The following EFCAB11 variants were observed in gnomAD, a reference collection of about 807,000 sequenced individuals.
The protein encoded by EFCAB11 is EF-hand calcium-binding domain-containing protein 11.
EFCAB11 carries 14 observed loss-of-function variants against 23.0 expected under a neutral mutation model. That is an observed-to-expected ratio of 0.61 (90% confidence interval 0.40 to 0.95). EFCAB11 has a LOEUF of 0.95. EFCAB11 is among the 40% of genes least tolerant of loss of function. The probability of loss-of-function intolerance (pLI) is 0.00; values close to 1 mark genes in which losing one functional copy is unlikely to be tolerated. For synonymous variants in EFCAB11, 65 were observed against 66.6 expected, an observed-to-expected ratio of 0.98 and a Z score of 0.11; for missense variants, 198 against 195.8, an observed-to-expected ratio of 1.01 and a Z score of -0.07.
chr14:89,928,188 G>T (rs959590576), intron 5 of EFCAB11, among the ~76,000 whole-genome samples: 4 of 151,938 alleles, frequency 2.6e-5, no homozygotes, highest in Non-Finnish European at 5.9e-5. Context: ...AAGATTTGTG[G>T]GCATATACTC....
At chr14:89,847,159 C>G (rs1887454646) in intron 5 of EFCAB11, among the ~76,000 whole-genome samples, 1 of 152,206 alleles carries the variant, frequency 6.6e-6, no homozygotes, top group Admixed American at 6.5e-5. Context: ...ATTACCAATC[C>G]TTTTCATATT....
At chr14:89,849,964 T>G (rs1887552852) in intron 5 of EFCAB11, among the ~76,000 whole-genome samples, 1 of 152,182 alleles carries the variant, frequency 6.6e-6, no homozygotes, top group Non-Finnish European at 1.5e-5. Context: ...CCATTTCTCT[T>G]GTTCTCAGGT....
At chr14:89,818,934 T>C (rs1488921567) in intron 5 of EFCAB11, among the ~76,000 whole-genome samples, 1 of 152,162 alleles carries the variant, frequency 6.6e-6, no homozygotes, top group Non-Finnish European at 1.5e-5. Flanking sequence ...TGAAAACAGG[T>C]ACAGCCACTT....
intron 5 of EFCAB11, among the ~76,000 whole-genome samples, chr14:89,814,788 C>T (rs1886276069): frequency 6.6e-6 from 1 of 152,080 alleles, no homozygotes; most frequent in Non-Finnish European, 1.5e-5. Flanking sequence ...TGCTTTCCTA[C>T]CTAGCATAGC....
intron 5 of EFCAB11, among the ~76,000 whole-genome samples, chr14:89,893,175 C>A (rs1889035769): frequency 6.6e-6 from 1 of 152,168 alleles, no homozygotes; most frequent in South Asian, 2.1e-4. Context: ...CACTGAGAAG[C>A]CAGCGTCAGG....
At chr14:89,822,079 G>GT (rs568855153) in intron 5 of EFCAB11, among the ~76,000 whole-genome samples, 1 of 151,770 alleles carries the variant, frequency 6.6e-6, no homozygotes, top group Non-Finnish European at 1.5e-5. Flanking sequence ...ATAACTCGAG[G>GT]TTTTTTTTAT....
At chr14:89,944,007 GAAGA>G (rs1316163718) in intron 3 of EFCAB11, among the ~76,000 whole-genome samples, 1 of 152,146 alleles carries the variant, frequency 6.6e-6, no homozygotes, top group Non-Finnish European at 1.5e-5. Flanking sequence ...AGAACATACA[GAAGA>G]AAGAAAGTCT....
intron 5 of EFCAB11, among the ~76,000 whole-genome samples, chr14:89,911,839 C>T (rs1224314438): frequency 6.6e-6 from 1 of 152,188 alleles, no homozygotes; most frequent in Non-Finnish European, 1.5e-5. Flanking sequence ...ACCACTGCCA[C>T]GGCAGCAGTC....
intron 3 of EFCAB11, among the ~76,000 whole-genome samples, chr14:89,941,185 T>C (rs1890778991): frequency 6.6e-6 from 1 of 152,232 alleles, no homozygotes; most frequent in Admixed American, 6.5e-5. Context: ...AAAATTGTTT[T>C]GTTGCATGGA....
At chr14:89,916,960 T>C (rs1342833406) in intron 5 of EFCAB11, among the ~76,000 whole-genome samples, 1 of 152,184 alleles carries the variant, frequency 6.6e-6, no homozygotes, top group Non-Finnish European at 1.5e-5. Context: ...ATTGTCTATA[T>C]TTAAGGTATA....
chr14:89,857,876 G>C (rs1019187338), intron 5 of EFCAB11, among the ~76,000 whole-genome samples: 1 of 152,028 alleles, frequency 6.6e-6, no homozygotes, highest in Non-Finnish European at 1.5e-5. Context: ...TTATACAAGA[G>C]AATAAAAAGA....
At chr14:89,802,369 G>A (rs189877253) in intron 5 of EFCAB11, among the ~76,000 whole-genome samples, 9 of 152,100 alleles carry the variant, frequency 5.9e-5, no homozygotes, top group Admixed American at 3.9e-4. Context: ...CAATGTTTTC[G>A]TTTTTTAATT....
intron 5 of EFCAB11, among the ~76,000 whole-genome samples, chr14:89,909,537 C>T (rs765668759): frequency 3.9e-5 from 6 of 152,088 alleles, no homozygotes; most frequent in African/African-American, 1.4e-4. Context: ...GCTGAGATCG[C>T]GCCATTGCAC....
intron 5 of EFCAB11, among the ~76,000 whole-genome samples, chr14:89,894,868 T>C (rs752128854): frequency 2.6e-5 from 4 of 152,270 alleles, no homozygotes; most frequent in Middle Eastern, 6.8e-3. Flanking sequence ...AAGCTACTAT[T>C]TACAATAGCA....
At chr14:89,798,677 T>C (rs1885657564) in intron 5 of EFCAB11, among the ~76,000 whole-genome samples, 1 of 152,236 alleles carries the variant, frequency 6.6e-6, no homozygotes, top group Admixed American at 6.5e-5. Flanking sequence ...CTTCTGATAA[T>C]ATTTTGTGTG....
intron 5 of EFCAB11, among the ~76,000 whole-genome samples, chr14:89,923,118 A>G (rs1029762967): frequency 1.3e-5 from 2 of 152,190 alleles, no homozygotes; most frequent in Non-Finnish European, 2.9e-5. Context: ...CTATGTAACA[A>G]AGTCATCTTC....
intron 5 of EFCAB11, among the ~76,000 whole-genome samples, chr14:89,914,740 G>C (rs943817590): frequency 6.6e-6 from 1 of 151,564 alleles, no homozygotes; most frequent in Non-Finnish European, 1.5e-5. Flanking sequence ...AGCCAAGATC[G>C]CACCACTGCA....
chr14:89,899,452 G>A (rs1318570357), intron 5 of EFCAB11, among the ~76,000 whole-genome samples: 3 of 152,138 alleles, frequency 2.0e-5, no homozygotes, highest in Non-Finnish European at 4.4e-5. Flanking sequence ...AACAGTCCCA[G>A]GCTTTTTTCT....
rs55668769 is a variant in EFCAB11, at chr14:89,849,606, G to GTTTTT, written c.411-52287_411-52283dup. Among the ~76,000 whole-genome samples the GTTTTT allele has an allele frequency of 1.1e-4, 13 of 123,324 alleles. 2 individuals carry two copies. Among genetic ancestry groups the GTTTTT allele is most frequent in the Non-Finnish European group, 1.6e-4 (10 of 62,060 alleles). 80.9% of individuals were successfully genotyped at this position (123,324 alleles called of 152,430 possible). On this transcript the variant is annotated intron_variant, in intron 5 of 5. Coordinates refer to ENST00000316738, the MANE Select transcript of EFCAB11 (RefSeq NM_145231.4). The stretch of plus-strand genomic sequence containing the variant: ...CATTGCTTTTGTAACAAGGAAATCT[G>GTTTTT]TTTTTTTTTTTTTTTTGGTAAGATA...
Sources: gnomAD v4.1 joint callset for allele counts (sites outside exome capture counted in the v4.1 genomes callset) on GRCh38, gnomAD v4.1.1 for gene constraint, MANE v1.5 for transcripts, NCBI Gene and HGNC (gene_info 2026-07-23, HGNC 2026-07-21) for gene names.